The following SLC16A9 variants were observed in gnomAD, a reference collection of about 807,000 sequenced individuals.
The protein encoded by SLC16A9 is monocarboxylate transporter 9.
Under a neutral mutation model 44.3 loss-of-function variants are expected in SLC16A9, and 26 were observed. The observed-to-expected ratio is 0.59, with a 90% CI of 0.43 to 0.81. The LOEUF (loss-of-function observed/expected upper bound fraction) is 0.81. Among genes scored for constraint, SLC16A9 ranks in the 40% least tolerant of loss-of-function variants. The pLI is 0.00. For synonymous variants in SLC16A9, 230 were observed against 225.1 expected (o/e 1.02, Z -0.19); for missense variants, 559 against 595.8 (o/e 0.94, Z 0.64).
chr10:59,652,152 C>T lies in SLC16A9; in HGVS notation c.*620G>A, dbSNP rs762325790. On this transcript the variant is annotated 3_prime_UTR_variant, in exon 6 of 6. Transcript: ENST00000395348. The stretch of plus-strand genomic sequence containing the variant: ...CAGTTGCTCAGTGGGTACCAAACAA[C>T]ATGCGAGTACTTCAGTGAGGTAAAT... The T allele has an allele frequency of 1.3e-5, 2 of 152,200 alleles. No individual in the cohort carries two copies. The highest frequency in any genetic ancestry group is 2.4e-5 in the African/African-American group (1 of 41,446). The allele number at this position is 152,200 out of a possible 1,614,324, so 9.4% of individuals were successfully genotyped here.
chr10:59,685,181 A>G (rs1317431549), intron 1 of SLC16A9, among the ~76,000 whole-genome samples: 1 of 152,176 alleles, frequency 6.6e-6, no homozygotes. Flanking sequence ...TCCACATAAC[A>G]TCCTGAGAGA....
chr10:59,698,531 G>C, intron 1 of SLC16A9, among the ~76,000 whole-genome samples: 1 of 152,144 alleles, frequency 6.6e-6, no homozygotes, highest in Admixed American at 6.5e-5. Flanking sequence ...GAAAAGTCTT[G>C]TTCTGTCTCT....
intron 4 of SLC16A9, among the ~76,000 whole-genome samples, chr10:59,655,117 C>A (rs1343145121): frequency 6.6e-6 from 1 of 152,002 alleles, no homozygotes. Context: ...TGGTGAAACC[C>A]CGTCTCTACT....
intron 3 of SLC16A9, among the ~76,000 whole-genome samples, chr10:59,670,413 G>A (rs1245415536): frequency 1.3e-5 from 2 of 152,176 alleles, no homozygotes; most frequent in Non-Finnish European, 2.9e-5. Context: ...TATAAGACGG[G>A]TGCTATTATG....
At position 59,709,608 on chromosome 10, in the gene SLC16A9, A is replaced by G. The variant is rs2132566901; in HGVS notation, c.-166T>C. On this transcript the variant is annotated 5_prime_UTR_variant, in exon 1 of 6. Coordinates refer to ENST00000395348, the MANE Select transcript of SLC16A9 (RefSeq NM_194298.3). The stretch of plus-strand genomic sequence containing the variant: ...GCAGCTCCGGGCCAGCCGGGCGGCT[A>G]TTTATCCGAGCCAGCTGCGGCCCCG... 6.6e-6 allele frequency: 1 copy of G among 152,414 alleles called. No individual in the cohort carries two copies. Among genetic ancestry groups the G allele is most frequent in the Admixed American group, 6.5e-5 (1 of 15,306 alleles). 9.4% of individuals were successfully genotyped at this position (152,414 alleles called of 1,614,324 possible). A position where few individuals can be genotyped will look rare whatever the true frequency, so the allele number is the denominator to read the frequency against.
In SLC16A9 at chr10:59,652,599, T is replaced by C. The variant is rs1839228102; in HGVS notation, c.*173A>G. 3.5e-6 allele frequency: 2 copies of C among 571,522 alleles called. No individual in the cohort carries two copies. Among genetic ancestry groups the C allele is most frequent in the Non-Finnish European group, 6.0e-6 (2 of 332,908 alleles). 35.4% of individuals were successfully genotyped at this position (571,522 alleles called of 1,614,324 possible). Reference sequence around the variant, plus strand: ...AAAAATACGAGATAGAGGCTACGCATACACTACATAAAAAATAGGATATAT... The same window carrying C: ...AAAAATACGAGATAGAGGCTACGCACACACTACATAAAAAATAGGATATAT... On this transcript the variant is annotated 3_prime_UTR_variant, in exon 6 of 6. Transcript: ENST00000395348.
intron 4 of SLC16A9, among the ~76,000 whole-genome samples, chr10:59,658,683 A>G (rs1002910829): frequency 4.6e-5 from 7 of 152,282 alleles, no homozygotes; most frequent in African/African-American, 1.4e-4. Flanking sequence ...CTGCATTCCA[A>G]CTACTCTGGA....
At chr10:59,664,345 T>C in intron 3 of SLC16A9, 23 bp from the exon 4 acceptor site, 2 of 1,524,368 alleles carry the variant, frequency 1.3e-6, no homozygotes, top group South Asian at 2.3e-5. Flanking sequence ...AGACATTGCA[T>C]AAATTAAGAC....
At chr10:59,675,603 A>T (rs1173309826) in intron 2 of SLC16A9, among the ~76,000 whole-genome samples, 1 of 152,104 alleles carries the variant, frequency 6.6e-6, no homozygotes, top group East Asian at 1.9e-4. Context: ...GGACAAGTGG[A>T]CTCTGGCATG....
chr10:59,681,458 G>A (rs11006688), intron 2 of SLC16A9, among the ~76,000 whole-genome samples: 3 of 2,732 alleles, frequency 1.1e-3, no homozygotes, highest in South Asian at 0.083. Flanking sequence ...ATGTGTATGT[G>A]TATGTGTATG....
intron 2 of SLC16A9, among the ~76,000 whole-genome samples, chr10:59,681,464 G>A (rs1171597): frequency 0.23 from 778 of 3,364 alleles, 370 homozygotes; most frequent in Non-Finnish European, 0.98. Flanking sequence ...ATGTGTATGT[G>A]TATGTATATG....
chr10:59,672,435 A>G (rs1173477023), intron 3 of SLC16A9, among the ~76,000 whole-genome samples: 7 of 152,154 alleles, frequency 4.6e-5, no homozygotes, highest in Admixed American at 4.6e-4. Flanking sequence ...GCCACTTCAT[A>G]ATTTAGTGAG....
intron 3 of SLC16A9, among the ~76,000 whole-genome samples, chr10:59,672,379 A>G (rs74951417): frequency 0.027 from 4,049 of 152,282 alleles, 172 homozygotes; most frequent in African/African-American, 0.09. Flanking sequence ...GTTTGTGAAC[A>G]CAAACAGCTT....
chr10:59,656,636 A>G (rs1839354611), intron 4 of SLC16A9, among the ~76,000 whole-genome samples: 1 of 152,160 alleles, frequency 6.6e-6, no homozygotes, highest in South Asian at 2.1e-4. Context: ...TTCCTGGTGG[A>G]ATTTTGTAAA....
rs1190004288 is a variant in SLC16A9, at chr10:59,709,601, G to A, written c.-159C>T. 1.3e-5 allele frequency: 2 copies of A among 152,446 alleles called. No individual in the cohort carries two copies. Among genetic ancestry groups the A allele is most frequent in the Admixed American group, 6.5e-5 (1 of 15,294 alleles). The allele number at this position is 152,446 out of a possible 1,614,324, so 9.4% of individuals were successfully genotyped here. A position where few individuals can be genotyped will look rare whatever the true frequency, so the allele number is the denominator to read the frequency against. On this transcript the variant is annotated 5_prime_UTR_variant, in exon 1 of 6. Transcript: ENST00000395348. The stretch of plus-strand genomic sequence containing the variant: ...CTCCCCTGCAGCTCCGGGCCAGCCG[G>A]GCGGCTATTTATCCGAGCCAGCTGC...
chr10:59,674,061 C>T (rs1839808066), intron 2 of SLC16A9, among the ~76,000 whole-genome samples: 3 of 152,050 alleles, frequency 2.0e-5, no homozygotes, highest in Admixed American at 2.0e-4. Context: ...GCCAAACTTG[C>T]GGGGTATTGC....
At chr10:59,697,974 CAA>C (rs980077220) in intron 1 of SLC16A9, among the ~76,000 whole-genome samples, 9 of 143,138 alleles carry the variant, frequency 6.3e-5, no homozygotes, top group Admixed American at 2.1e-4. Flanking sequence ...AAAAAAAAAA[CAA>C]AAAACAAAAC....
At chr10:59,678,031 C>G (rs1839897273) in intron 2 of SLC16A9, among the ~76,000 whole-genome samples, 1 of 113,152 alleles carries the variant, frequency 8.8e-6, no homozygotes, top group Non-Finnish European at 1.8e-5. Flanking sequence ...TGCTATCCCT[C>G]CCCCCTCCCC....
intron 2 of SLC16A9, among the ~76,000 whole-genome samples, chr10:59,681,338 A>G (rs373127981): frequency 2.6e-5 from 4 of 151,714 alleles, no homozygotes; most frequent in African/African-American, 9.7e-5. Context: ...AAAGAGGATA[A>G]CATCAAATAC....
Sources: gnomAD v4.1 joint callset for allele counts (sites outside exome capture counted in the v4.1 genomes callset) on GRCh38, gnomAD v4.1.1 for gene constraint, MANE v1.5 for transcripts, NCBI Gene and HGNC (gene_info 2026-07-23, HGNC 2026-07-21) for gene names.